VPS13B: variants seen among roughly 807,000 people sequenced by gnomAD.
VPS13B encodes intermembrane lipid transfer protein VPS13B.
Under a neutral mutation model 426.4 loss-of-function variants are expected in VPS13B, and 285 were observed. The ratio of observed to expected loss-of-function variants is 0.67; its 90% confidence interval spans 0.61 to 0.74. VPS13B has a LOEUF of 0.74. Ranked by LOEUF, VPS13B falls within the 30% of genes least tolerant of loss-of-function variation. The pLI is 0.00. For missense variants in VPS13B, 4,537 were observed against 4,782.6 expected (o/e 0.95, Z 1.51); for synonymous variants, 1,676 against 1,676.4 (o/e 1.00, Z 0.01).
Position 99,767,297 on chromosome 8 carries a change from T to C in VPS13B, c.7247+327T>C, listed in dbSNP as rs537212362. Among the ~76,000 whole-genome samples the C allele has an allele frequency of 3.0e-4, 46 of 151,892 alleles. 1 individual carries two copies. The highest frequency in any genetic ancestry group is 2.1e-4 in the Non-Finnish European group (14 of 67,990). On this transcript the variant is annotated intron_variant, in intron 40 of 61. Coordinates refer to ENST00000357162, the MANE Select transcript of VPS13B (RefSeq NM_152564.5). ...CTCAAAATACAGAGGCATACAGTCA[T>C]ACACACACCTCAATAGAAGCTTAAT...
intron 23 of VPS13B, 150 bp from the exon 24 acceptor site, chr8:99,467,264 T>A: frequency 1.3e-6 from 1 of 791,116 alleles, no homozygotes; most frequent in Non-Finnish European, 2.1e-6. Context: ...ATGTAAATTG[T>A]TTAGCACCGT....
chr8:99,085,419 CTG>C (rs1845723266), intron 3 of VPS13B, among the ~76,000 whole-genome samples: 1 of 152,150 alleles, frequency 6.6e-6, no homozygotes, highest in South Asian at 2.1e-4. Context: ...ATTTGCCAGT[CTG>C]TGTCTTTTAA....
At chr8:99,823,153 A>G (rs1197042994) in intron 50 of VPS13B, among the ~76,000 whole-genome samples, 1 of 152,202 alleles carries the variant, frequency 6.6e-6, no homozygotes, top group Non-Finnish European at 1.5e-5. Context: ...GCCAGACTGC[A>G]TGGGTTCCAA....
intron 17 of VPS13B, among the ~76,000 whole-genome samples, chr8:99,196,280 A>G (rs1813919060): frequency 1.3e-5 from 2 of 151,720 alleles, no homozygotes; most frequent in Non-Finnish European, 1.5e-5. Flanking sequence ...GGTTAACTTT[A>G]TATCCACATA....
chr8:99,728,821 T>G (rs1833467101), intron 39 of VPS13B, among the ~76,000 whole-genome samples: 1 of 152,186 alleles, frequency 6.6e-6, no homozygotes, highest in Non-Finnish European at 1.5e-5. Flanking sequence ...CAGTGGGCAG[T>G]CCTGGAAACA....
chr8:99,167,214 A>G (rs1234599551), intron 15 of VPS13B, among the ~76,000 whole-genome samples: 1 of 152,046 alleles, frequency 6.6e-6, no homozygotes, highest in African/African-American at 2.4e-5. Context: ...TCCCCTGAAG[A>G]GTTTTTCTTC....
chr8:99,171,808 CTG>C (rs539427886), intron 16 of VPS13B, among the ~76,000 whole-genome samples: 160 of 152,006 alleles, frequency 1.1e-3, no homozygotes, highest in Admixed American at 2.1e-3. Flanking sequence ...ACTTTAGTAA[CTG>C]TAACTTGAAA....
intron 33 of VPS13B, among the ~76,000 whole-genome samples, chr8:99,583,087 A>G (rs561610030): frequency 2.6e-4 from 40 of 152,322 alleles, no homozygotes; most frequent in Admixed American, 7.2e-4. Flanking sequence ...TGTAAAACTT[A>G]TCGAATAGCA....
intron 3 of VPS13B, among the ~76,000 whole-genome samples, chr8:99,062,747 G>T (rs894696650): frequency 2.0e-5 from 3 of 152,238 alleles, no homozygotes; most frequent in East Asian, 3.9e-4. Context: ...GGGATTATAG[G>T]TGTAAGCCAC....
At chr8:99,212,550 G>A (rs1232807568) in intron 17 of VPS13B, among the ~76,000 whole-genome samples, 1 of 152,170 alleles carries the variant, frequency 6.6e-6, no homozygotes, top group Non-Finnish European at 1.5e-5. Flanking sequence ...GGAAGGCAGA[G>A]CTGAGAAATC....
chr8:99,482,453 A>G (rs549573848), intron 25 of VPS13B, among the ~76,000 whole-genome samples: 26 of 152,338 alleles, frequency 1.7e-4, no homozygotes, highest in African/African-American at 6.0e-4. Context: ...GTAATTTAAG[A>G]TACAGTATTA....
At chr8:99,625,076 C>T (rs1828552431) in intron 33 of VPS13B, among the ~76,000 whole-genome samples, 1 of 152,020 alleles carries the variant, frequency 6.6e-6, no homozygotes, top group Admixed American at 6.6e-5. Flanking sequence ...CCACCCGCCT[C>T]AGCCTCCCAA....
chr8:99,253,920 GT>G (rs1268534184), intron 17 of VPS13B, among the ~76,000 whole-genome samples: 1 of 151,988 alleles, frequency 6.6e-6, no homozygotes, highest in African/African-American at 2.4e-5. Context: ...ATTGTTTTAG[GT>G]ATTATATTTC....
rs1817231275 is a variant in VPS13B at position 99,868,707 on chromosome 8, T to C, written c.11392+242T>C. 3.9e-5 allele frequency among the ~76,000 whole-genome samples: 6 copies of C among 152,324 alleles called. No individual in the cohort carries two copies. The South Asian group carries it at 1.2e-3, about 32-fold the overall frequency. On this transcript the variant is annotated intron_variant, in intron 59 of 61. Transcript: ENST00000357162. ...TCTTTTTACAGTACACTTGATAGAC[T>C]GTAACGAAAAGTAACCAGTTTAGAG...
chr8:99,757,443 G>C (rs1810696419), intron 39 of VPS13B, among the ~76,000 whole-genome samples: 1 of 152,076 alleles, frequency 6.6e-6, no homozygotes. Flanking sequence ...CATATATACA[G>C]CAAAGACACT....
chr8:99,724,325 A>G (rs943861231), intron 39 of VPS13B, among the ~76,000 whole-genome samples: 7 of 152,048 alleles, frequency 4.6e-5, no homozygotes, highest in Non-Finnish European at 7.4e-5. Flanking sequence ...ATCTAATTTC[A>G]TCTGTTGTCA....
intron 49 of VPS13B, 128 bp from the exon 50 acceptor site, chr8:99,821,163 CACA>C (rs1252214501): frequency 3.8e-5 from 22 of 578,584 alleles, no homozygotes; most frequent in Non-Finnish European, 5.0e-5. Context: ...CACACACACA[CACA>C]CCATGGAGGG....
At chr8:99,096,060 A>G (rs1475157412) in intron 3 of VPS13B, among the ~76,000 whole-genome samples, 1 of 152,152 alleles carries the variant, frequency 6.6e-6, no homozygotes, top group Non-Finnish European at 1.5e-5. Flanking sequence ...GAGATTGTCA[A>G]GTAGTTTGTT....
chr8:99,225,365 C>T (rs1354991062), intron 17 of VPS13B, among the ~76,000 whole-genome samples: 1 of 151,632 alleles, frequency 6.6e-6, no homozygotes, highest in African/African-American at 2.4e-5. Flanking sequence ...CTGCAAGGTT[C>T]GCCTCCCGGG....
Sources: allele counts gnomAD v4.1 joint callset (sites outside exome capture counted in the v4.1 genomes callset), GRCh38; gene constraint gnomAD v4.1.1; transcripts MANE v1.5; gene names NCBI Gene and HGNC (gene_info 2026-07-23, HGNC 2026-07-21).